PDGFRB: variants seen among roughly 807,000 people sequenced by gnomAD.
PDGFRB encodes the protein platelet-derived growth factor receptor beta.
Under a neutral mutation model 120.2 loss-of-function variants are expected in PDGFRB, and 42 were observed. The observed-to-expected ratio is 0.35, with a 90% CI of 0.27 to 0.45. The LOEUF is 0.45. Among genes scored for constraint, PDGFRB ranks in the 20% least tolerant of loss-of-function variants. The pLI, the probability that PDGFRB is intolerant of heterozygous loss-of-function variation, is 1.00. For synonymous variants in PDGFRB, 586 were observed against 606.8 expected (o/e 0.97, Z 0.50); for missense variants, 1,149 against 1,476.3 (o/e 0.78, Z 3.63).
intron 22 of PDGFRB, among the ~76,000 whole-genome samples, chr5:150,116,398 A>C (rs945687677): frequency 6.6e-6 from 1 of 152,084 alleles, no homozygotes; most frequent in African/African-American, 2.4e-5. Context: ...GGATCACCTG[A>C]GGTCAGGAGG....
rs397509382 is a variant in PDGFRB, at chr5:150,117,796, G to A, written c.2959C>T (p.Arg987Trp). The A allele has an allele frequency of 1.4e-5, 23 of 1,613,730 alleles. No homozygotes were observed. Among genetic ancestry groups the A allele is most frequent in the East Asian group, 2.2e-5 (1 of 44,880 alleles). ...AACCCAGGCAAGCGGGCCTGGGACC[G>A]AAGGATGGCTGGGTGGTCACTCCTC... ...FLRSDHPAIL[R>W]SQARLPGFHG... is the part of the protein sequence containing the mutation. The change falls in exon 22 of 23, where the codon CGG (arginine) becomes TGG (tryptophan). Residue 987 changes from arginine (R) to tryptophan (W), a missense_variant. Coordinates refer to ENST00000261799, the MANE Select transcript of PDGFRB (RefSeq NM_002609.4).
intron 15 of PDGFRB, among the ~76,000 whole-genome samples, chr5:150,122,561 G>T (rs78608951): frequency 6.6e-6 from 1 of 152,260 alleles, no homozygotes; most frequent in Non-Finnish European, 1.5e-5. Context: ...GGTCTTTTAC[G>T]CTTTTCTGAA....
intron 1 of PDGFRB, among the ~76,000 whole-genome samples, chr5:150,148,278 T>A (rs1048634384): frequency 2.0e-5 from 3 of 152,240 alleles, no homozygotes; most frequent in Admixed American, 6.5e-5. Flanking sequence ...ATCTGGACTC[T>A]CTTCAACTTC....
Position 150,120,259 on chromosome 5 carries a change from C to G in PDGFRB, c.2587-136G>C, listed in dbSNP as rs1262453320. The G allele has an allele frequency of 1.4e-5, 9 of 635,540 alleles. No homozygotes were observed. The highest frequency in any genetic ancestry group is 2.3e-5 in the Non-Finnish European group (8 of 347,036). The allele number at this position is 635,540 out of a possible 1,614,324, so 39.4% of individuals were successfully genotyped here. On this transcript the variant is annotated intron_variant, in intron 18 of 22. Coordinates refer to ENST00000261799, the MANE Select transcript of PDGFRB (RefSeq NM_002609.4). This position sits in a 1 kb window ranked among gnomAD's most constrained non-coding sequence, Gnocchi z 4.3. ...TCCCATTCCCTGTGAGGGCCCTGGTCTCTGCGCAGCACAGTTCCCATGTCC... is the reference window on the plus strand; with the variant it reads ...TCCCATTCCCTGTGAGGGCCCTGGTGTCTGCGCAGCACAGTTCCCATGTCC...
chr5:150,135,575 C>T lies in PDGFRB; in HGVS notation c.344G>A (p.Arg115Gln), dbSNP rs763833875. The T allele has an allele frequency of 9.3e-6, 15 of 1,608,718 alleles. No homozygotes were observed. The East Asian group carries it at 1.8e-4, about 19-fold the overall frequency. ...SRGLETDERK[R>Q]LYIFVPDPTV... is the part of the protein sequence containing the mutation. ...CTTACCTGGCACAAAGATGTAGAGC[C>T]GTTTCCGCTCATCGGTCTCCAGTCC... The change falls in exon 3 of 23, where the codon CGG becomes CAG. Residue 115 changes from arginine to glutamine, a missense_variant. By Grantham distance (43) the Arg-to-Gln change is conservative. This residue lies in a region of PDGFRB where 879 missense variants were observed against 1,108.6 expected (regional missense o/e 0.79). Transcript: ENST00000261799.
At chr5:150,134,304 G>A (rs1760561467) in intron 4 of PDGFRB, among the ~76,000 whole-genome samples, 2 of 152,136 alleles carry the variant, frequency 1.3e-5, no homozygotes, top group South Asian at 4.1e-4. Context: ...GAAATGTATT[G>A]AGCACATAAC....
rs1314090973 is a variant in PDGFRB at position 150,134,802 on chromosome 5, G to T, written c.579C>A (p.Thr193=). The change falls in exon 4 of 23, where the codon ACC becomes ACA. Residue 193 remains threonine, a synonymous_variant. Coordinates refer to ENST00000261799, the MANE Select transcript of PDGFRB (RefSeq NM_002609.4). ...FEDRSYICKT[T]IGDREVDSDA... The stretch of plus-strand genomic sequence containing the variant: ...CAGAATCCACCTCCCTGTCCCCAAT[G>T]GTGGTTTTGCAGATGTAGCTTCTGT... 1.9e-6 allele frequency: 3 copies of T among 1,614,182 alleles called. No individual in the cohort carries two copies. The Admixed American group carries it at 5.0e-5, about 27-fold the overall frequency.
At chr5:150,124,222 G>T in intron 14 of PDGFRB, 28 bp downstream of exon 14, 1 of 1,509,964 alleles carries the variant, frequency 6.6e-7, no homozygotes, top group South Asian at 1.1e-5. Context: ...CACTTTCCCT[G>T]AGGCCTCTGG....
Position 150,114,185 on chromosome 5 carries a change from C to G in PDGFRB, c.*1578G>C, listed in dbSNP as rs57883901. On this transcript the variant is annotated 3_prime_UTR_variant, in exon 23 of 23. Transcript: ENST00000261799. ...ACTCCCCTGGCACCTCCAATGCCCA[C>G]TGGGCTGGGGACAATGAGATGTCAC... is the stretch of plus-strand genomic sequence containing the variant. The G allele has an allele frequency of 0.03, 6,969 of 233,296 alleles. 306 individuals carry two copies. The highest frequency in any genetic ancestry group is 0.098 in the African/African-American group (4,433 of 45,436). The allele number at this position is 233,296 out of a possible 1,614,324, so 14.5% of individuals were successfully genotyped here.
chr5:150,123,800 A>T (rs1408737122), intron 14 of PDGFRB, among the ~76,000 whole-genome samples: 3 of 152,034 alleles, frequency 2.0e-5, no homozygotes, highest in Non-Finnish European at 2.9e-5. Flanking sequence ...TGGTGATAAC[A>T]TTTTTTTTCA....
intron 1 of PDGFRB, among the ~76,000 whole-genome samples, chr5:150,144,571 AGCCCC>A (rs1256836732): frequency 6.6e-6 from 1 of 152,174 alleles, no homozygotes; most frequent in Non-Finnish European, 1.5e-5. Flanking sequence ...CCCCAGCCCG[AGCCCC>A]GCTCTCCTGC....
At chr5:150,138,785 C>T (rs1294834930) in intron 1 of PDGFRB, among the ~76,000 whole-genome samples, 2 of 152,214 alleles carry the variant, frequency 1.3e-5, no homozygotes, top group East Asian at 3.8e-4. Flanking sequence ...GCCCCTCCGT[C>T]GGTGCCCCTC....
Position 150,132,957 on chromosome 5 carries a change from C to A in PDGFRB, c.935-15G>T. 1 of 1,538,994 alleles carries A rather than the reference C, an allele frequency of 6.5e-7. No homozygotes were observed. Among genetic ancestry groups the A allele is most frequent in the South Asian group, 1.2e-5 (1 of 83,488 alleles). ...GTAGCCGCTCTCTGCAAGGGGTGAC[C>A]GTCAGGGGCGGGGCCCTGGGGGCAG... On this transcript the variant is annotated splice_polypyrimidine_tract_variant and intron_variant, in intron 6 of 22. Transcript: ENST00000261799. The surrounding 1 kb of genome is among the most constrained non-coding windows in gnomAD (Gnocchi z 5.0).
intron 8 of PDGFRB, 31 bp from the exon 9 acceptor site, chr5:150,130,693 G>C (rs115280753): frequency 5.0e-6 from 8 of 1,609,426 alleles, no homozygotes; most frequent in Non-Finnish European, 5.9e-6. Flanking sequence ...GTTAGGAGGC[G>C]GGAGGGTCAG....
chr5:150,140,183 C>T (rs1760743192), intron 1 of PDGFRB, among the ~76,000 whole-genome samples: 1 of 152,154 alleles, frequency 6.6e-6, no homozygotes, highest in Admixed American at 6.5e-5. Context: ...CCACATTTTC[C>T]ACCAAATGTG....
At chr5:150,128,649 C>T (rs751848012) in intron 10 of PDGFRB, among the ~76,000 whole-genome samples, 1 of 152,258 alleles carries the variant, frequency 6.6e-6, no homozygotes, top group Non-Finnish European at 1.5e-5. Flanking sequence ...CTGAGTGGGA[C>T]ACCATTCCTT....
chr5:150,155,227 C>T (rs558306844), intron 1 of PDGFRB, among the ~76,000 whole-genome samples, 170 bp downstream of exon 1: 1 of 151,948 alleles, frequency 6.6e-6, no homozygotes, highest in Non-Finnish European at 1.5e-5. Context: ...AGAAAACTGG[C>T]TCCTCCATCC....
Position 150,135,009 on chromosome 5 carries a change from G to T in PDGFRB, c.372C>A (p.Thr124=). The T allele has an allele frequency of 6.4e-7, 1 of 1,557,670 alleles. No individual in the cohort carries two copies. Among genetic ancestry groups the T allele is most frequent in the Non-Finnish European group, 8.8e-7 (1 of 1,133,380 alleles). The change falls in exon 4 of 23, where the codon ACC becomes ACA. Residue 124 remains threonine, a synonymous_variant. Transcript: ENST00000261799. ...KRLYIFVPDP[T]VGFLPNDAEE... ...CGGCATCATTAGGGAGGAAGCCCAC[G>T]GTGGGATCTGCCAGGAGTGGAGCCG...
chr5:150,113,856 AG>A lies in PDGFRB; in HGVS notation c.*1906del. ...ACAAAGTCTGTGAGTGAGAAGCACC[AG>A]GTTTAATATTAAAATCTTTCCCTTA... On this transcript the variant is annotated 3_prime_UTR_variant, in exon 23 of 23. Transcript: ENST00000261799. 1 of 230,724 alleles carries A rather than the reference AG, an allele frequency of 4.3e-6. No individual in the cohort carries two copies. The highest frequency in any genetic ancestry group is 8.6e-6 in the Non-Finnish European group (1 of 116,302). 14.3% of individuals were successfully genotyped at this position (230,724 alleles called of 1,614,324 possible). A position where few individuals can be genotyped will look rare whatever the true frequency, so the allele number is the denominator to read the frequency against.
Sources: allele counts gnomAD v4.1 joint callset (sites outside exome capture counted in the v4.1 genomes callset), GRCh38; gene constraint gnomAD v4.1.1; regional missense constraint gnomAD v4.1.1; non-coding constraint Gnocchi (gnomAD v3.1); transcripts MANE v1.5; gene names NCBI Gene and HGNC (gene_info 2026-07-23, HGNC 2026-07-21).